KCNK2: variants seen among roughly 807,000 people sequenced by gnomAD.
KCNK2 encodes the protein potassium channel subfamily K member 2.
In KCNK2, 21 loss-of-function variants were observed where a neutral mutation model predicts 40.5. The ratio of observed to expected loss-of-function variants is 0.52; its 90% CI spans 0.37 to 0.75. The LOEUF is 0.75. Ranked by LOEUF, KCNK2 falls within the 30% of genes least tolerant of loss-of-function variation. The probability of loss-of-function intolerance (pLI) is 0.00; values close to 1 mark genes in which losing one functional copy is unlikely to be tolerated. For missense variants in KCNK2, 399 were observed against 531.6 expected (o/e 0.75, Z 2.45); for synonymous variants, 191 against 202.2 (o/e 0.94, Z 0.47).
In KCNK2 at chr1:215,083,087, AG is replaced by A. The variant is rs1455558013; in HGVS notation, c.-297del. The A allele has an allele frequency of 2.3e-6, 1 of 429,110 alleles. No individual in the cohort carries two copies. The highest frequency in any genetic ancestry group is 4.6e-5 in the Admixed American group (1 of 21,668). 26.6% of individuals were successfully genotyped at this position (429,110 alleles called of 1,614,324 possible). On this transcript the variant is annotated 5_prime_UTR_variant, in exon 1 of 7. Transcript: ENST00000444842. Reference sequence around the variant, plus strand: ...CTCCGGGTGACCCGGGCCCGGCAGCAGGCGCGCGCGGGGGCGGCGGCGCCCA... The same window carrying A: ...CTCCGGGTGACCCGGGCCCGGCAGCAGCGCGCGCGGGGGCGGCGGCGCCCA...
intron 3 of KCNK2, among the ~76,000 whole-genome samples, chr1:215,151,227 T>C (rs558552586): frequency 6.6e-6 from 1 of 152,258 alleles, no homozygotes; most frequent in Non-Finnish European, 1.5e-5. Context: ...TCATGCTGTT[T>C]TGTTGTTATT....
intron 3 of KCNK2, among the ~76,000 whole-genome samples, chr1:215,127,223 T>G (rs1243456515): frequency 1.3e-5 from 2 of 152,148 alleles, no homozygotes; most frequent in African/African-American, 2.4e-5. Flanking sequence ...GGAGCTGAGT[T>G]GGCCACAGTT....
intron 3 of KCNK2, among the ~76,000 whole-genome samples, chr1:215,148,524 C>T (rs141632386): frequency 3.8e-4 from 57 of 151,984 alleles, no homozygotes; most frequent in African/African-American, 1.3e-3. Flanking sequence ...TTAAAATATG[C>T]GGTATTAATA....
At chr1:215,027,973 T>C (rs1241776720) in intron 1 of KCNK2, among the ~76,000 whole-genome samples, 1 of 152,204 alleles carries the variant, frequency 6.6e-6, no homozygotes, top group African/African-American at 2.4e-5. Flanking sequence ...TTAATATTAT[T>C]TTAATTCTTT....
chr1:215,179,046 G>A (rs533884128), intron 5 of KCNK2, among the ~76,000 whole-genome samples: 2 of 151,430 alleles, frequency 1.3e-5, no homozygotes, highest in South Asian at 2.1e-4. Flanking sequence ...ATATTAGTCT[G>A]TTCAGGGTTT....
chr1:215,011,875 G>A (rs374064163), intron 1 of KCNK2, among the ~76,000 whole-genome samples: 1 of 151,646 alleles, frequency 6.6e-6, no homozygotes, highest in African/African-American at 2.4e-5. Context: ...CAAAGTGCTG[G>A]GTTTACAGGC....
upstream of KCNK2, among the ~76,000 whole-genome samples, chr1:215,080,734 A>G (rs545215698): frequency 3.3e-5 from 5 of 152,346 alleles, no homozygotes; most frequent in South Asian, 2.1e-4. Flanking sequence ...AGCAAATAGT[A>G]AAACACCTGA....
intron 1 of KCNK2, among the ~76,000 whole-genome samples, chr1:215,041,738 T>C (rs1657570419): frequency 6.6e-6 from 1 of 152,290 alleles, no homozygotes; most frequent in South Asian, 2.1e-4. Flanking sequence ...GCCAATAAGA[T>C]TGCAAGCTAT....
chr1:215,014,209 A>G (rs1240492968), intron 1 of KCNK2, among the ~76,000 whole-genome samples: 1 of 152,040 alleles, frequency 6.6e-6, no homozygotes, highest in Non-Finnish European at 1.5e-5. Flanking sequence ...GGTGAATGAT[A>G]TTGATTGAAT....
intron 3 of KCNK2, among the ~76,000 whole-genome samples, chr1:215,148,997 G>C (rs185672343): frequency 6.6e-6 from 1 of 152,254 alleles, no homozygotes; most frequent in African/African-American, 2.4e-5. Flanking sequence ...ATGGTACACC[G>C]GGGAGTCTTG....
chr1:215,086,327 T>G, intron 1 of KCNK2, 41 bp from the exon 2 acceptor site: 1 of 1,526,848 alleles, frequency 6.5e-7, no homozygotes, highest in Non-Finnish European at 9.0e-7. Flanking sequence ...AATTCCCTTC[T>G]CATCTCCTCC....
At chr1:215,164,868 C>T (rs1364979159) in intron 3 of KCNK2, among the ~76,000 whole-genome samples, 1 of 152,148 alleles carries the variant, frequency 6.6e-6, no homozygotes, top group Non-Finnish European at 1.5e-5. Flanking sequence ...TCAGGTCTGT[C>T]TACTTCATAG....
rs1050406070 is a variant in KCNK2, at chr1:215,236,613, C to T, written c.*1468C>T. The T allele has an allele frequency of 3.9e-5, 6 of 152,338 alleles. No individual in the cohort carries two copies. Among genetic ancestry groups the T allele is most frequent in the African/African-American group, 1.5e-4 (6 of 41,366 alleles). The allele number at this position is 152,338 out of a possible 1,614,324, so 9.4% of individuals were successfully genotyped here. On this transcript the variant is annotated 3_prime_UTR_variant, in exon 7 of 7. Coordinates refer to ENST00000444842, the MANE Select transcript of KCNK2 (RefSeq NM_001017425.3). Reference sequence around the variant, plus strand: ...ATGGTTCCAAGATTCAGAAAAAATTCAGTAAATGCACCCCGTAAATTGCTA... The same window carrying T: ...ATGGTTCCAAGATTCAGAAAAAATTTAGTAAATGCACCCCGTAAATTGCTA...
chr1:215,041,090 G>A lies in KCNK2; in HGVS notation c.34+35135G>A, dbSNP rs1175540381. Among the ~76,000 whole-genome samples the A allele has an allele frequency of 2.0e-5, 3 of 152,274 alleles. No homozygotes were observed. In the East Asian group the frequency reaches 5.8e-4, roughly 29 times the overall value. On this transcript the variant is annotated intron_variant, in intron 1 of 6. Transcript: ENST00000391895. ...CTGGCTAAATTAAGGAAAACCATTA[G>A]ATGTCCAGCATCAGCACTCAATGTG...
intron 6 of KCNK2, among the ~76,000 whole-genome samples, chr1:215,204,336 G>A (rs899915825): frequency 1.3e-5 from 2 of 150,466 alleles, no homozygotes; most frequent in Non-Finnish European, 3.0e-5. Context: ...TTTGATTCAT[G>A]TATTTCACAG....
intron 2 of KCNK2, among the ~76,000 whole-genome samples, chr1:215,093,447 AAT>A (rs1348516418): frequency 8.7e-5 from 11 of 125,990 alleles, no homozygotes; most frequent in Non-Finnish European, 1.3e-4. Context: ...ATATACATAT[AAT>A]ATATATAATA....
At chr1:215,164,586 G>T (rs565920480) in intron 3 of KCNK2, among the ~76,000 whole-genome samples, 2 of 152,130 alleles carry the variant, frequency 1.3e-5, no homozygotes, top group African/African-American at 4.8e-5. Context: ...CACTGCTTTA[G>T]CCGTGTCCCA....
intron 4 of KCNK2, among the ~76,000 whole-genome samples, chr1:215,170,616 A>T (rs887973137): frequency 1.3e-5 from 2 of 152,168 alleles, no homozygotes; most frequent in Non-Finnish European, 2.9e-5. Flanking sequence ...TTTTAGCACT[A>T]GTCATGATTT....
chr1:215,142,312 T>C (rs1220821601), intron 3 of KCNK2, among the ~76,000 whole-genome samples: 8 of 152,140 alleles, frequency 5.3e-5, no homozygotes, highest in Non-Finnish European at 2.9e-5. Context: ...TTTTGAATCA[T>C]TCTTCCATTT....
Sources: gnomAD v4.1 joint callset for allele counts (sites outside exome capture counted in the v4.1 genomes callset) on GRCh38, gnomAD v4.1.1 for gene constraint, MANE v1.5 for transcripts, NCBI Gene and HGNC (gene_info 2026-07-23, HGNC 2026-07-21) for gene names.